Variants in CSMD3 observed in about 807,000 individuals in gnomAD.
The protein encoded by CSMD3 is CUB and sushi domain-containing protein 3.
In CSMD3, 177 loss-of-function variants were observed where a neutral mutation model predicts 435.2. The observed-to-expected ratio is 0.41, with a 90% CI of 0.36 to 0.46. The LOEUF (loss-of-function observed/expected upper bound fraction) is 0.46, where lower values mean the gene tolerates loss of function less well. CSMD3 is among the 20% of genes least tolerant of loss of function. The pLI, the probability that CSMD3 is intolerant of heterozygous loss-of-function variation, is 0.34. For missense variants in CSMD3, 4,265 were observed against 4,504.6 expected (o/e 0.95, Z 1.52); for synonymous variants, 1,656 against 1,520.5 (o/e 1.09, Z -2.07).
intron 32 of CSMD3, among the ~76,000 whole-genome samples, chr8:112,429,470 G>A (rs1475655954): frequency 6.6e-6 from 1 of 152,020 alleles, no homozygotes; most frequent in Non-Finnish European, 1.5e-5. Context: ...ATGAAACTGT[G>A]GTCTAGCATG....
intron 5 of CSMD3, among the ~76,000 whole-genome samples, chr8:113,086,246 C>CA (rs796175442): frequency 0.023 from 2,600 of 111,410 alleles, 73 homozygotes; most frequent in African/African-American, 0.071. Flanking sequence ...GAGACTCCGT[C>CA]AAAAAAAAAA....
intron 22 of CSMD3, among the ~76,000 whole-genome samples, chr8:112,617,034 G>T (rs1833710267): frequency 1.3e-5 from 2 of 152,110 alleles, no homozygotes; most frequent in Admixed American, 1.3e-4. Flanking sequence ...ATTCTCTCAA[G>T]AATTGTGTCA....
intron 31 of CSMD3, among the ~76,000 whole-genome samples, chr8:112,481,453 T>C (rs995478198): frequency 6.6e-6 from 1 of 152,174 alleles, no homozygotes; most frequent in African/African-American, 2.4e-5. Context: ...AATGTATAAA[T>C]TATTCACAGA....
intron 22 of CSMD3, among the ~76,000 whole-genome samples, chr8:112,626,504 A>T (rs1033807313): frequency 1.3e-5 from 2 of 152,116 alleles, no homozygotes; most frequent in African/African-American, 4.8e-5. Flanking sequence ...AATAATCTAT[A>T]TACACACATA....
At chr8:112,975,296 T>C (rs2084803533) in intron 7 of CSMD3, among the ~76,000 whole-genome samples, 1 of 152,070 alleles carries the variant, frequency 6.6e-6, no homozygotes, top group Non-Finnish European at 1.5e-5. Context: ...TGCAATCATA[T>C]GGGTCAGGCA....
chr8:112,580,084 A>C (rs967670467), intron 23 of CSMD3, among the ~76,000 whole-genome samples: 45 of 152,084 alleles, frequency 3.0e-4, no homozygotes, highest in African/African-American at 1.0e-3. Flanking sequence ...AATAACAACA[A>C]ACACAGCAAC....
intron 6 of CSMD3, among the ~76,000 whole-genome samples, chr8:113,012,354 A>T (rs950262415): frequency 2.6e-5 from 4 of 152,000 alleles, no homozygotes; most frequent in African/African-American, 9.7e-5. Context: ...ACGAAGTTCC[A>T]TCTACAATCT....
chr8:112,330,053 G>A (rs2130918849), intron 45 of CSMD3, among the ~76,000 whole-genome samples: 1 of 152,160 alleles, frequency 6.6e-6, no homozygotes, highest in Non-Finnish European at 1.5e-5. Flanking sequence ...TACAAAAGGA[G>A]GTCAGGTCTT....
At position 112,543,366 on chromosome 8, in the gene CSMD3, A is replaced by G. The variant is rs553034556; in HGVS notation, c.4564+7305T>C. ...ACATCTAATAATAGATCAATATCCAAAAGACATAGGGAACCTCTACACCTC... is the reference window on the plus strand; with the variant it reads ...ACATCTAATAATAGATCAATATCCAGAAGACATAGGGAACCTCTACACCTC... On this transcript the variant is annotated intron_variant, in intron 27 of 70. Transcript: ENST00000297405. Among the ~76,000 whole-genome samples the G allele has an allele frequency of 2.6e-5, 4 of 152,274 alleles. No homozygotes were observed. The South Asian group carries it at 8.3e-4, about 32-fold the overall frequency.
At chr8:112,980,861 C>T (rs1207895232) in intron 6 of CSMD3, among the ~76,000 whole-genome samples, 1 of 151,372 alleles carries the variant, frequency 6.6e-6, no homozygotes. Context: ...CCATAGTATT[C>T]AACAGTTCAA....
intron 1 of CSMD3, among the ~76,000 whole-genome samples, chr8:113,378,598 G>A (rs920132524): frequency 6.6e-6 from 1 of 152,102 alleles, no homozygotes; most frequent in Non-Finnish European, 1.5e-5. Flanking sequence ...GCCATGCAGC[G>A]AACCTAAAAA....
intron 3 of CSMD3, among the ~76,000 whole-genome samples, chr8:113,195,678 C>T (rs747663761): frequency 4.7e-5 from 7 of 149,218 alleles, no homozygotes; most frequent in African/African-American, 7.3e-5. Flanking sequence ...CCTAATGGTG[C>T]GTAAAAGTTA....
chr8:112,430,089 A>T (rs1014685266), intron 32 of CSMD3, among the ~76,000 whole-genome samples: 54 of 152,034 alleles, frequency 3.6e-4, no homozygotes, highest in African/African-American at 1.3e-3. Flanking sequence ...TACACATCCA[A>T]GGCTGGGAGA....
chr8:113,403,956 C>T lies in CSMD3; in HGVS notation c.178+32721G>A, dbSNP rs2094521488. Among the ~76,000 whole-genome samples, 3 of 151,428 alleles carry T rather than the reference C, an allele frequency of 2.0e-5. No individual in the cohort carries two copies. The South Asian group carries it at 6.2e-4, about 31-fold the overall frequency. On this transcript the variant is annotated intron_variant, in intron 1 of 70. Transcript: ENST00000297405. ...CAAGAAGGAGTGAAAAATTCAACCA[C>T]CAAAATGATTCCAAAAACCAACTTA...
At chr8:112,616,610 C>G (rs1456702725) in intron 22 of CSMD3, among the ~76,000 whole-genome samples, 1 of 152,086 alleles carries the variant, frequency 6.6e-6, no homozygotes, top group East Asian at 1.9e-4. Context: ...ATGGATTTGG[C>G]TGGTAAGGTG....
chr8:112,304,421 A>G (rs1465764217), intron 52 of CSMD3, among the ~76,000 whole-genome samples: 1 of 151,554 alleles, frequency 6.6e-6, no homozygotes, highest in Non-Finnish European at 1.5e-5. Flanking sequence ...CATATAAAGG[A>G]CTAAAAGCAG....
At chr8:113,374,136 C>G (rs991612685) in intron 1 of CSMD3, among the ~76,000 whole-genome samples, 2 of 151,668 alleles carry the variant, frequency 1.3e-5, no homozygotes, top group Non-Finnish European at 2.9e-5. Context: ...TTATAATATA[C>G]TTATGTAAAG....
chr8:112,456,735 A>T lies in CSMD3; in HGVS notation c.5395+15856T>A, dbSNP rs1455372053. ...GAATAAATAACTTACATGAGATTAC[A>T]CATAAGGTCTATAATTAATACTGAA... On this transcript the variant is annotated intron_variant, in intron 32 of 70. Transcript: ENST00000297405. Among the ~76,000 whole-genome samples, 4 of 152,188 alleles carry T rather than the reference A, an allele frequency of 2.6e-5. No homozygotes were observed. The East Asian group carries it at 7.7e-4, about 29-fold the overall frequency.
At chr8:113,319,013 G>A (rs2093930768) in intron 1 of CSMD3, among the ~76,000 whole-genome samples, 2 of 151,962 alleles carry the variant, frequency 1.3e-5, no homozygotes, top group Admixed American at 6.6e-5. Flanking sequence ...AAACATGGGA[G>A]TGCAGATATT....
Sources: allele counts gnomAD v4.1 joint callset (sites outside exome capture counted in the v4.1 genomes callset), GRCh38; gene constraint gnomAD v4.1.1; transcripts MANE v1.5; gene names NCBI Gene and HGNC (gene_info 2026-07-23, HGNC 2026-07-21).